Variants in LRBA observed in about 807,000 individuals in gnomAD.
LRBA encodes the protein LPS responsive beige-like anchor protein.
Under a neutral mutation model 330.0 loss-of-function variants are expected in LRBA, and 176 were observed. The ratio of observed to expected loss-of-function variants is 0.53; its 90% confidence interval spans 0.47 to 0.60. LRBA has a LOEUF of 0.60. LRBA is among the 20% of genes least tolerant of loss of function. The pLI is 0.00. For missense variants in LRBA, 3,259 were observed against 3,444.8 expected (o/e 0.95, Z 1.35); for synonymous variants, 1,230 against 1,193.0 (o/e 1.03, Z -0.64).
At chr4:150,780,873 TTTTA>T (rs58026198) in intron 34 of LRBA, among the ~76,000 whole-genome samples, 2 of 151,662 alleles carry the variant, frequency 1.3e-5, no homozygotes, top group African/African-American at 2.4e-5. Flanking sequence ...GTGCATTTTA[TTTTA>T]TTTATTTATT....
chr4:150,334,364 A>G (rs1196234885), intron 48 of LRBA, among the ~76,000 whole-genome samples: 1 of 152,196 alleles, frequency 6.6e-6, no homozygotes, highest in Admixed American at 6.5e-5. Context: ...AGAAGAGTAA[A>G]TGAAATTCAA....
Position 150,981,957 on chromosome 4 carries a change from C to T in LRBA, c.216+32470G>A, listed in dbSNP as rs1477701209. 3.8e-5 allele frequency among the ~76,000 whole-genome samples: 5 copies of T among 132,596 alleles called. No individual in the cohort carries two copies. The Admixed American group carries it at 3.9e-4, about 10-fold the overall frequency. The allele number at this position is 132,596 out of a possible 152,430, so 87.0% of individuals were successfully genotyped here. A position where few individuals can be genotyped will look rare whatever the true frequency, so the allele number is the denominator to read the frequency against. The stretch of plus-strand genomic sequence containing the variant: ...CAGCCAGGGAGACAGAGCAAGACTC[C>T]ATCTCAAAAAAAAAAAAAAAAAAGT... On this transcript the variant is annotated intron_variant, in intron 2 of 56. Transcript: ENST00000651943.
chr4:150,588,687 T>C (rs6835367), intron 39 of LRBA, among the ~76,000 whole-genome samples: 107,793 of 152,186 alleles, frequency 0.71, 44,955 homozygotes, highest in Non-Finnish European at 0.91. Flanking sequence ...AGAGATTTTA[T>C]GCCAGCTTGA....
intron 37 of LRBA, among the ~76,000 whole-genome samples, chr4:150,604,688 C>T (rs1053169365): frequency 6.6e-6 from 1 of 152,068 alleles, no homozygotes; most frequent in Non-Finnish European, 1.5e-5. Flanking sequence ...CCAGGGGGCA[C>T]TTTTCACATC....
At chr4:150,331,513 T>G (rs1032689976) in intron 48 of LRBA, among the ~76,000 whole-genome samples, 1 of 152,204 alleles carries the variant, frequency 6.6e-6, no homozygotes, top group African/African-American at 2.4e-5. Context: ...CAATAATTAT[T>G]AAGACATTTT....
intron 28 of LRBA, among the ~76,000 whole-genome samples, chr4:150,842,413 A>G (rs1364400270): frequency 2.6e-5 from 4 of 152,124 alleles, no homozygotes; most frequent in African/African-American, 9.7e-5. Flanking sequence ...TCAGCCTCCC[A>G]AGTAGCTAGG....
chr4:150,268,509 C>A (rs150835139), intron 56 of LRBA, among the ~76,000 whole-genome samples: 88 of 152,298 alleles, frequency 5.8e-4, no homozygotes, highest in Admixed American at 1.2e-3. Context: ...ATACAAAATA[C>A]TAGCAAACTG....
At chr4:150,730,394 G>A (rs1396497933) in intron 36 of LRBA, among the ~76,000 whole-genome samples, 1 of 152,062 alleles carries the variant, frequency 6.6e-6, no homozygotes, top group Non-Finnish European at 1.5e-5. Flanking sequence ...ACATGAAAAG[G>A]TGTTCAGGCC....
At chr4:150,684,390 G>A (rs1266777058) in intron 36 of LRBA, among the ~76,000 whole-genome samples, 1 of 152,134 alleles carries the variant, frequency 6.6e-6, no homozygotes, top group Admixed American at 6.5e-5. Flanking sequence ...TGTACCAAGA[G>A]CTCTGGGATT....
intron 47 of LRBA, among the ~76,000 whole-genome samples, chr4:150,378,872 G>T (rs926074680): frequency 2.0e-5 from 3 of 152,040 alleles, no homozygotes; most frequent in African/African-American, 7.2e-5. Flanking sequence ...GATAGATTCA[G>T]AATATAAATT....
At chr4:150,606,554 T>C (rs1358449437) in intron 37 of LRBA, among the ~76,000 whole-genome samples, 3 of 152,170 alleles carry the variant, frequency 2.0e-5, no homozygotes, top group Non-Finnish European at 2.9e-5. Flanking sequence ...AAATAGACTA[T>C]ATTACTTTAG....
intron 13 of LRBA, among the ~76,000 whole-genome samples, 164 bp downstream of exon 13, chr4:150,905,674 A>G (rs1731248272): frequency 6.6e-6 from 1 of 152,000 alleles, no homozygotes. Context: ...ACAATTTGCA[A>G]TTTTTCCTGA....
At chr4:150,377,715 A>G (rs572924087) in intron 47 of LRBA, among the ~76,000 whole-genome samples, 1 of 152,312 alleles carries the variant, frequency 6.6e-6, no homozygotes, top group East Asian at 1.9e-4. Context: ...CCTCATTTAT[A>G]GGAGCCTGGA....
intron 42 of LRBA, among the ~76,000 whole-genome samples, chr4:150,482,204 C>G (rs1476006131): frequency 6.6e-6 from 1 of 152,024 alleles, no homozygotes; most frequent in Non-Finnish European, 1.5e-5. Context: ...TCCTCTTTTC[C>G]CATAGCTCCT....
chr4:150,852,622 C>T lies in LRBA; in HGVS notation c.3088G>A (p.Asp1030Asn). Residue 1030 changes from aspartate to asparagine, a missense_variant, in exon 23 of 57, where the codon GAT becomes AAT. Coordinates refer to ENST00000651943, the MANE Select transcript of LRBA (RefSeq NM_001364905.1). ...KAEQENQELP[D>N]EGTLEETLTN... The stretch of plus-strand genomic sequence containing the variant: ...AGTGTTTCTTCCAAAGTGCCTTCAT[C>T]TGGTAACTCCTGATTTTCTTGCTCA... 6.2e-7 allele frequency: 1 copy of T among 1,614,048 alleles called. No homozygotes were observed.
chr4:150,866,076 A>G (rs1386730415), intron 22 of LRBA, among the ~76,000 whole-genome samples: 4 of 152,256 alleles, frequency 2.6e-5, no homozygotes, highest in Non-Finnish European at 5.9e-5. Flanking sequence ...TTTGATAGTC[A>G]GTAAAATGTA....
intron 48 of LRBA, among the ~76,000 whole-genome samples, chr4:150,328,711 G>A (rs114606882): frequency 0.012 from 1,838 of 150,950 alleles, 13 homozygotes; most frequent in Non-Finnish European, 0.02. Context: ...TACAAATGAG[G>A]AAGTAATGAA....
intron 35 of LRBA, among the ~76,000 whole-genome samples, chr4:150,739,647 T>G (rs1222353316): frequency 6.6e-6 from 1 of 152,158 alleles, no homozygotes; most frequent in Non-Finnish European, 1.5e-5. Flanking sequence ...AATAAGATGG[T>G]AACTTGCATC....
intron 47 of LRBA, among the ~76,000 whole-genome samples, chr4:150,369,833 A>G (rs967644135): frequency 6.6e-6 from 1 of 152,126 alleles, no homozygotes; most frequent in African/African-American, 2.4e-5. Context: ...CCATGCCTTT[A>G]TAAGAGCATT....
Sources: allele counts gnomAD v4.1 joint callset (sites outside exome capture counted in the v4.1 genomes callset), GRCh38; gene constraint gnomAD v4.1.1; transcripts MANE v1.5; gene names NCBI Gene and HGNC (gene_info 2026-07-23, HGNC 2026-07-21).